Variants in DYNLRB2 observed in about 807,000 individuals in gnomAD.
DYNLRB2 encodes the protein bithoraxoid-like protein.
In DYNLRB2, 14 loss-of-function variants were observed where a neutral mutation model predicts 12.6. The observed-to-expected ratio is 1.11, with a 90% confidence interval of 0.73 to 1.73. DYNLRB2 has a LOEUF of 1.73. Ranked by LOEUF, DYNLRB2 falls within the 40% of genes most tolerant of loss-of-function variation. The pLI is 0.00. For synonymous variants in DYNLRB2, 53 were observed against 37.0 expected, an observed-to-expected ratio of 1.43 and a Z score of -1.57; for missense variants, 142 against 117.7, an observed-to-expected ratio of 1.21 and a Z score of -0.95.
intron 1 of DYNLRB2, among the ~76,000 whole-genome samples, chr16:80,542,337 A>G (rs1244345888): frequency 6.6e-6 from 1 of 152,224 alleles, no homozygotes; most frequent in East Asian, 1.9e-4. Flanking sequence ...AGAATCATGA[A>G]TCTAGTACAC....
intron 2 of DYNLRB2, among the ~76,000 whole-genome samples, chr16:80,546,477 A>G (rs1387963308): frequency 6.6e-6 from 1 of 152,220 alleles, no homozygotes; most frequent in African/African-American, 2.4e-5. Flanking sequence ...CATTTTATAT[A>G]TAGTCCTTCG....
upstream of DYNLRB2, chr16:80,540,786 G>A (rs1242837277): frequency 1.4e-6 from 1 of 703,934 alleles, no homozygotes; most frequent in Non-Finnish European, 2.6e-6. Flanking sequence ...GACAAACACA[G>A]GCCGGGAGCC....
intron 2 of DYNLRB2, chr16:80,548,907 A>T (rs1024715843): frequency 8.8e-6 from 4 of 455,908 alleles, no homozygotes; most frequent in African/African-American, 8.0e-5. Context: ...ACCCTCTAGC[A>T]TGTGCAGTGA....
chr16:80,548,878 G>A, intron 2 of DYNLRB2: 2 of 454,632 alleles, frequency 4.4e-6, no homozygotes, highest in South Asian at 3.1e-5. Flanking sequence ...AATACTGTGT[G>A]AGGAGTCCCT....
chr16:80,547,819 C>T, intron 2 of DYNLRB2: 1 of 456,446 alleles, frequency 2.2e-6, no homozygotes, highest in Non-Finnish European at 4.4e-6. Flanking sequence ...GAAAAAGTGG[C>T]CAACAAATCA....
intron 3 of DYNLRB2, 21 bp downstream of exon 3, chr16:80,549,672 C>T: frequency 1.9e-6 from 3 of 1,556,950 alleles, no homozygotes; most frequent in Non-Finnish European, 2.6e-6. Flanking sequence ...ATTTCATTTC[C>T]TAGTTAAATC....
At chr16:80,548,448 TG>T (rs1904616712) in intron 2 of DYNLRB2, among the ~76,000 whole-genome samples, 1 of 152,166 alleles carries the variant, frequency 6.6e-6, no homozygotes, top group South Asian at 2.1e-4. Context: ...TAGAGCAGAC[TG>T]GGCATGGTGG....
intron 3 of DYNLRB2, among the ~76,000 whole-genome samples, chr16:80,550,084 C>T (rs1904744251): frequency 1.3e-5 from 2 of 152,218 alleles, no homozygotes; most frequent in Admixed American, 1.3e-4. Flanking sequence ...AGAAACACTC[C>T]TTTCCCTGAA....
intron 1 of DYNLRB2, chr16:80,541,347 T>G: frequency 1.0e-6 from 1 of 983,668 alleles, no homozygotes; most frequent in Admixed American, 6.2e-5. Flanking sequence ...AAGAGAGAGA[T>G]TCAGAGGATG....
At chr16:80,546,984 T>C (rs1296786416) in intron 2 of DYNLRB2, among the ~76,000 whole-genome samples, 1 of 152,198 alleles carries the variant, frequency 6.6e-6, no homozygotes, top group Non-Finnish European at 1.5e-5. Flanking sequence ...GAGCTTCAGT[T>C]TAGGAATTTA....
At chr16:80,546,142 A>G (rs1476562928) in intron 2 of DYNLRB2, among the ~76,000 whole-genome samples, 1 of 152,206 alleles carries the variant, frequency 6.6e-6, no homozygotes, top group East Asian at 1.9e-4. Flanking sequence ...GTTAATAACC[A>G]GAGTATATAA....
chr16:80,543,444 G>C (rs1904308416), intron 2 of DYNLRB2, 93 bp downstream of exon 2: 1 of 1,196,772 alleles, frequency 8.4e-7, no homozygotes, highest in Non-Finnish European at 1.2e-6. Flanking sequence ...CTTCGAATTT[G>C]ACATCAAAAA....
chr16:80,541,701 C>T (rs1046021732), intron 1 of DYNLRB2, among the ~76,000 whole-genome samples: 27 of 150,612 alleles, frequency 1.8e-4, no homozygotes, highest in Non-Finnish European at 1.0e-4. Flanking sequence ...ACTTACAAAT[C>T]ATGAGAAGAG....
intron 2 of DYNLRB2, 103 bp downstream of exon 2, chr16:80,543,454 AT>A (rs1337222972): frequency 8.6e-6 from 9 of 1,047,788 alleles, no homozygotes; most frequent in Non-Finnish European, 1.3e-5. Context: ...GACATCAAAA[AT>A]ATATTTATAT....
rs750324717 is a variant in DYNLRB2, at chr16:80,541,045, C to A, written c.-32C>A. ...TTGACATCCCGGGAGGCTGTGCCGC[C>A]GGCCTGAGCCCAGAGTTTCGCGGCC... On this transcript the variant is annotated 5_prime_UTR_variant, in exon 1 of 4. Coordinates refer to ENST00000305904, the MANE Select transcript of DYNLRB2 (RefSeq NM_130897.3). The A allele has an allele frequency of 2.5e-6, 4 of 1,605,722 alleles. No individual in the cohort carries two copies. The highest frequency in any genetic ancestry group is 1.3e-5 in the African/African-American group (1 of 74,818).
At chr16:80,543,086 G>A (rs1904303723) in intron 1 of DYNLRB2, among the ~76,000 whole-genome samples, 190 bp from the exon 2 acceptor site, 1 of 152,238 alleles carries the variant, frequency 6.6e-6, no homozygotes, top group Admixed American at 6.5e-5. Context: ...ATTGTATCCA[G>A]GAGGTCTTAC....
At chr16:80,546,695 A>T (rs924478174) in intron 2 of DYNLRB2, among the ~76,000 whole-genome samples, 1 of 152,216 alleles carries the variant, frequency 6.6e-6, no homozygotes, top group Non-Finnish European at 1.5e-5. Flanking sequence ...GGGCAGTCAG[A>T]TCTGTCGTAT....
At chr16:80,548,798 C>T (rs1373334643) in intron 2 of DYNLRB2, 1 of 329,238 alleles carries the variant, frequency 3.0e-6, no homozygotes, top group Admixed American at 3.2e-5. Flanking sequence ...GGGTGCAAAC[C>T]ACGGAATGCA....
At chr16:80,542,295 G>C (rs578166452) in intron 1 of DYNLRB2, among the ~76,000 whole-genome samples, 3 of 152,258 alleles carry the variant, frequency 2.0e-5, no homozygotes, top group Admixed American at 1.3e-4. Context: ...AGAACACCTA[G>C]ATAAATAGTA....
Sources: allele counts gnomAD v4.1 joint callset (sites outside exome capture counted in the v4.1 genomes callset), GRCh38; gene constraint gnomAD v4.1.1; transcripts MANE v1.5; gene names NCBI Gene and HGNC (gene_info 2026-07-23, HGNC 2026-07-21).